The following KCNQ3 variants were observed in gnomAD, a reference collection of about 807,000 sequenced individuals.
KCNQ3 encodes the protein potassium voltage-gated channel subfamily KQT member 3.
KCNQ3 carries 30 observed loss-of-function variants against 92.5 expected under a neutral mutation model. The ratio of observed to expected loss-of-function variants is 0.32; its 90% CI spans 0.24 to 0.44. KCNQ3 has a LOEUF of 0.44. Ranked by LOEUF, KCNQ3 falls within the 20% of genes least tolerant of loss-of-function variation. KCNQ3 has a pLI of 1.00. For synonymous variants in KCNQ3, 450 were observed against 468.8 expected, an observed-to-expected ratio of 0.96 and a Z score of 0.52; for missense variants, 913 against 1,140.3, an observed-to-expected ratio of 0.80 and a Z score of 2.87.
At chr8:132,278,032 G>A in intron 1 of KCNQ3, 1 of 985,290 alleles carries the variant, frequency 1.0e-6, no homozygotes, top group Non-Finnish European at 1.2e-6. Context: ...AGGCTACAGA[G>A]CTCAGATTCA....
intron 1 of KCNQ3, among the ~76,000 whole-genome samples, chr8:132,309,181 C>T (rs1817520204): frequency 6.6e-6 from 1 of 152,176 alleles, no homozygotes; most frequent in Non-Finnish European, 1.5e-5. Context: ...ACATCAGACG[C>T]CAAGTTCTTC....
intron 1 of KCNQ3, among the ~76,000 whole-genome samples, chr8:132,321,867 C>T (rs550120559): frequency 6.6e-6 from 1 of 152,330 alleles, no homozygotes; most frequent in Admixed American, 6.5e-5. Flanking sequence ...GGGCCCACCT[C>T]CCCACCTGTA....
At chr8:132,186,027 G>A (rs891547148) in intron 2 of KCNQ3, 64 bp downstream of exon 2, 1 of 1,275,636 alleles carries the variant, frequency 7.8e-7, no homozygotes, top group Middle Eastern at 1.9e-4. Flanking sequence ...GCACCCAAGG[G>A]CAACCTCCTT....
intron 1 of KCNQ3, among the ~76,000 whole-genome samples, chr8:132,374,927 T>C (rs776243729): frequency 6.6e-6 from 1 of 152,188 alleles, no homozygotes; most frequent in African/African-American, 2.4e-5. Flanking sequence ...TAATCTGTCA[T>C]TGATGGGCAT....
intron 1 of KCNQ3, among the ~76,000 whole-genome samples, chr8:132,427,743 AGAGG>A: frequency 6.6e-6 from 1 of 152,314 alleles, no homozygotes; most frequent in South Asian, 2.1e-4. Flanking sequence ...GCCACAGGCA[AGAGG>A]AAGACCGGGG....
At chr8:132,366,433 A>T (rs950832306) in intron 1 of KCNQ3, among the ~76,000 whole-genome samples, 1 of 151,966 alleles carries the variant, frequency 6.6e-6, no homozygotes. Flanking sequence ...CTTGCTTCCA[A>T]TTCCTTTCTC....
intron 1 of KCNQ3, among the ~76,000 whole-genome samples, chr8:132,207,804 A>G (rs955635051): frequency 1.4e-4 from 21 of 151,124 alleles, no homozygotes. Flanking sequence ...GAGTCCTGTG[A>G]TGTTTCCCAC....
chr8:132,132,297 T>C (rs763878344), intron 13 of KCNQ3, 33 bp from the exon 14 acceptor site: 1 of 1,547,360 alleles, frequency 6.5e-7, no homozygotes, highest in Admixed American at 1.7e-5. Context: ...ATAAGATCAT[T>C]ATATCTATTT....
chr8:132,301,821 G>A (rs1817224515), intron 1 of KCNQ3, among the ~76,000 whole-genome samples: 1 of 152,182 alleles, frequency 6.6e-6, no homozygotes, highest in Admixed American at 6.5e-5. Flanking sequence ...GATGCACTTG[G>A]AGAGAGGTGT....
intron 1 of KCNQ3, among the ~76,000 whole-genome samples, chr8:132,224,424 T>C (rs1304018725): frequency 2.0e-5 from 3 of 151,978 alleles, no homozygotes. Flanking sequence ...AAGCACTGAG[T>C]GTCTATATGT....
chr8:132,283,642 T>C (rs1169457819), intron 1 of KCNQ3, among the ~76,000 whole-genome samples: 1 of 152,244 alleles, frequency 6.6e-6, no homozygotes, highest in Non-Finnish European at 1.5e-5. Flanking sequence ...TTGTCATCGG[T>C]ACCCTATGCC....
intron 1 of KCNQ3, among the ~76,000 whole-genome samples, chr8:132,283,867 C>A (rs1005132347): frequency 4.6e-5 from 7 of 152,188 alleles, no homozygotes; most frequent in African/African-American, 1.4e-4. Flanking sequence ...ACAAGTCTAG[C>A]AAGATCAGGA....
chr8:132,129,696 T>G lies in KCNQ3; in HGVS notation c.2185A>C (p.Lys729Gln). 1 of 1,614,084 alleles carries G rather than the reference T, an allele frequency of 6.2e-7. No individual in the cohort carries two copies. The highest frequency in any genetic ancestry group is 1.1e-5 in the South Asian group (1 of 91,050). ...NLPRGGPSSGKVQATPPSSAT... is the reference protein window; with the variant it reads ...NLPRGGPSSGQVQATPPSSAT... ...GAGGAAGGAGGAGTTGCCTGAACCT[T>G]TCCAGAACTGGGTCCCCCTCGGGGC... Residue 729 changes from lysine to glutamine, a missense_variant, in exon 15 of 15, where the codon AAG (lysine) becomes CAG (glutamine). By Grantham distance (53) the Lys-to-Gln change is moderately conservative (BLOSUM62 1). Around this residue, in one of 6 missense-constraint regions of KCNQ3, gnomAD observed 375 missense variants for 376.4 expected, o/e 1.00. Transcript: ENST00000388996. This position sits in a 1 kb window ranked among gnomAD's most constrained non-coding sequence, Gnocchi z 5.9.
chr8:132,387,959 AAGAAGAAGAAGGAGG>A (rs890659588), intron 1 of KCNQ3, among the ~76,000 whole-genome samples: 6 of 151,684 alleles, frequency 4.0e-5, no homozygotes, highest in African/African-American at 1.5e-4. Context: ...GAAGGAGAAG[AAGAAGAAGAAGGAGG>A]AGAAGAGGAA....
intron 9 of KCNQ3, among the ~76,000 whole-genome samples, chr8:132,158,683 T>C (rs936913090): frequency 6.6e-6 from 1 of 152,218 alleles, no homozygotes; most frequent in African/African-American, 2.4e-5. Flanking sequence ...AAGTCACTTA[T>C]CTATCTGACC....
chr8:132,290,616 T>G (rs1304126905), intron 1 of KCNQ3, among the ~76,000 whole-genome samples: 1 of 152,056 alleles, frequency 6.6e-6, no homozygotes. Flanking sequence ...AGGAAATATA[T>G]GAAGATAGAG....
intron 1 of KCNQ3, among the ~76,000 whole-genome samples, chr8:132,366,759 G>T (rs1004949854): frequency 7.9e-5 from 12 of 152,126 alleles, no homozygotes; most frequent in African/African-American, 2.9e-4. Context: ...TTACTGAGGT[G>T]AAAAATGTTA....
chr8:132,470,700 CCT>C (rs1182867155), intron 1 of KCNQ3, among the ~76,000 whole-genome samples: 1 of 152,098 alleles, frequency 6.6e-6, no homozygotes, highest in Non-Finnish European at 1.5e-5. Context: ...TATAATGTCC[CCT>C]GTTATTTATT....
chr8:132,420,228 C>T (rs1245201958), intron 1 of KCNQ3, among the ~76,000 whole-genome samples: 1 of 152,098 alleles, frequency 6.6e-6, no homozygotes, highest in East Asian at 1.9e-4. Context: ...TAATCACCTC[C>T]CCAAAGCCCC....
Sources: gnomAD v4.1 joint callset for allele counts (sites outside exome capture counted in the v4.1 genomes callset) on GRCh38, gnomAD v4.1.1 for gene constraint, gnomAD v4.1.1 regional missense constraint, Gnocchi (gnomAD v3.1) non-coding constraint, MANE v1.5 for transcripts, NCBI Gene and HGNC (gene_info 2026-07-23, HGNC 2026-07-21) for gene names.